AAMDC: variants seen among roughly 807,000 people sequenced by gnomAD.
AAMDC encodes the protein mth938 domain-containing protein.
A neutral mutation model predicts 15.5 loss-of-function variants in AAMDC; 16 were observed. The ratio of observed to expected loss-of-function variants is 1.03; its 90% CI spans 0.70 to 1.57. The LOEUF is 1.57. AAMDC is among the 40% of genes most tolerant of loss of function. The pLI is 0.00. For synonymous variants in AAMDC, 51 were observed against 51.6 expected, an observed-to-expected ratio of 0.99 and a Z score of 0.05; for missense variants, 141 against 144.9, an observed-to-expected ratio of 0.97 and a Z score of 0.14.
intron 1 of AAMDC, among the ~76,000 whole-genome samples, chr11:77,823,083 G>A (rs1948997345): frequency 6.6e-6 from 1 of 151,720 alleles, no homozygotes; most frequent in Non-Finnish European, 1.5e-5. Context: ...GCGTGGTGGC[G>A]GCGGGCCCCT....
chr11:77,872,668 C>T (rs540559247), downstream of AAMDC, among the ~76,000 whole-genome samples: 11 of 152,162 alleles, frequency 7.2e-5, no homozygotes, highest in Non-Finnish European at 1.5e-4. Flanking sequence ...CAACTATAGG[C>T]CAGGCGCCAT....
intron 1 of AAMDC, chr11:77,841,177 A>C (rs1429107102): frequency 5.7e-6 from 4 of 701,710 alleles, no homozygotes; most frequent in Non-Finnish European, 1.0e-5. Context: ...ATAACAGCAT[A>C]ATCTATTCAT....
intron 2 of AAMDC, among the ~76,000 whole-genome samples, chr11:77,853,159 T>G (rs1284721878): frequency 6.6e-6 from 1 of 152,236 alleles, no homozygotes; most frequent in Non-Finnish European, 1.5e-5. Context: ...TTACTAACAA[T>G]TTATGAAAAG....
intron 2 of AAMDC, among the ~76,000 whole-genome samples, chr11:77,852,872 C>A (rs942103522): frequency 1.4e-4 from 21 of 151,952 alleles, no homozygotes; most frequent in Admixed American, 1.3e-3. Flanking sequence ...AGAGATATGT[C>A]TTTTTCTTTT....
At chr11:77,842,656 A>C in intron 2 of AAMDC, 28 bp downstream of exon 2, 1 of 1,609,176 alleles carries the variant, frequency 6.2e-7, no homozygotes, top group East Asian at 2.2e-5. Flanking sequence ...GGTTGATACT[A>C]CATGAGGCTG....
intron 1 of AAMDC, chr11:77,829,947 C>T (rs1949345037): frequency 1.3e-5 from 2 of 152,138 alleles, no homozygotes; most frequent in Admixed American, 1.3e-4. Context: ...TCCTGGGAAA[C>T]ATAGTGAGAC....
At chr11:77,898,608 A>G (rs978132670) in intron 5 of AAMDC, among the ~76,000 whole-genome samples, 2 of 152,236 alleles carry the variant, frequency 1.3e-5, no homozygotes, top group South Asian at 2.1e-4. Context: ...GCTGATAAAT[A>G]TAAGTTCAAT....
chr11:77,864,294 A>C (rs538840892), intron 2 of AAMDC, among the ~76,000 whole-genome samples: 2 of 152,006 alleles, frequency 1.3e-5, no homozygotes, highest in Non-Finnish European at 2.9e-5. Context: ...AAATACAAAA[A>C]TTAGCCAGGC....
At chr11:77,879,022 G>A (rs778338283) in intron 5 of AAMDC, 1 of 1,614,116 alleles carries the variant, frequency 6.2e-7, no homozygotes, top group Non-Finnish European at 8.5e-7. Context: ...CTCGATGCTG[G>A]TTTCCACCTG....
At chr11:77,839,980 A>G (rs1030674003) in intron 1 of AAMDC, among the ~76,000 whole-genome samples, 1 of 152,172 alleles carries the variant, frequency 6.6e-6, no homozygotes. Context: ...CGTAAAAAAG[A>G]TGTTACATGC....
intron 5 of AAMDC, among the ~76,000 whole-genome samples, chr11:77,884,537 G>A (rs184596700): frequency 2.8e-4 from 42 of 152,204 alleles, no homozygotes; most frequent in South Asian, 1.2e-3. Flanking sequence ...ATACTGCAGC[G>A]CACAAAGGAA....
At chr11:77,863,150 G>A (rs200837241) in intron 2 of AAMDC, among the ~76,000 whole-genome samples, 1 of 152,112 alleles carries the variant, frequency 6.6e-6, no homozygotes, top group Non-Finnish European at 1.5e-5. Flanking sequence ...AGAAGCCGTG[G>A]GTCACGGAAG....
In AAMDC at chr11:77,886,297, C is replaced by T. The variant is rs186095618; in HGVS notation, c.328+9248C>T. Among the ~76,000 whole-genome samples the T allele has an allele frequency of 1.6e-4, 25 of 152,284 alleles. No homozygotes were observed. In the East Asian group the frequency reaches 4.8e-3, roughly 29 times the overall value. ...CTGTGAAATGGTTGCTGGAAGCCTTCTTTCATTTGTCTACTCCAAAAGTGG... is the reference window on the plus strand; with the variant it reads ...CTGTGAAATGGTTGCTGGAAGCCTTTTTTCATTTGTCTACTCCAAAAGTGG... On this transcript the variant is annotated intron_variant, in intron 5 of 5. Transcript: ENST00000304716.
chr11:77,872,375 T>C (rs1003220584), downstream of AAMDC: 3 of 1,541,724 alleles, frequency 1.9e-6, no homozygotes, highest in South Asian at 3.8e-5. Context: ...TCACTCACCA[T>C]TCTCCAAACC....
chr11:77,885,444 A>G (rs976841520), intron 5 of AAMDC, among the ~76,000 whole-genome samples: 1 of 152,132 alleles, frequency 6.6e-6, no homozygotes, highest in African/African-American at 2.4e-5. Context: ...AACCTACTAT[A>G]GGAAAAAAAT....
Position 77,878,083 on chromosome 11 carries a change from C to G in AAMDC, c.328+1034C>G, listed in dbSNP as rs1202178839. Among the ~76,000 whole-genome samples, 7 of 152,290 alleles carry G rather than the reference C, an allele frequency of 4.6e-5. No individual in the cohort carries two copies. In the East Asian group the frequency reaches 1.3e-3, roughly 29 times the overall value. ...GCAAGATCAAGAATTTCCTTCAAAG[C>G]AAGGCGCGGTTGCTCACACTTGTAA... On this transcript the variant is annotated intron_variant, in intron 5 of 5. Coordinates refer to the AAMDC transcript ENST00000304716.
intron 1 of AAMDC, among the ~76,000 whole-genome samples, chr11:77,833,535 G>A (rs1475208867): frequency 6.6e-6 from 1 of 152,182 alleles, no homozygotes; most frequent in Non-Finnish European, 1.5e-5. Flanking sequence ...TACAGACAAA[G>A]TATCGCTCAC....
At chr11:77,898,812 G>A (rs1012499936) in intron 5 of AAMDC, among the ~76,000 whole-genome samples, 26 of 152,130 alleles carry the variant, frequency 1.7e-4, no homozygotes, top group African/African-American at 6.3e-4. Flanking sequence ...TTGAGGCCAG[G>A]AGTTTGAGAC....
intron 5 of AAMDC, among the ~76,000 whole-genome samples, chr11:77,890,418 T>A (rs1952211935): frequency 6.6e-6 from 1 of 152,110 alleles, no homozygotes; most frequent in African/African-American, 2.4e-5. Context: ...CTTTGACTCA[T>A]ATCCCTTTGG....
Sources: allele counts gnomAD v4.1 joint callset (sites outside exome capture counted in the v4.1 genomes callset), GRCh38; gene constraint gnomAD v4.1.1; transcripts MANE v1.5; gene names NCBI Gene and HGNC (gene_info 2026-07-23, HGNC 2026-07-21).